The following THEMIS variants were observed in gnomAD, a reference collection of about 807,000 sequenced individuals.
THEMIS encodes thymocyte selection associated, also known as protein THEMIS.
THEMIS carries 37 observed loss-of-function variants against 52.6 expected under a neutral mutation model. The observed-to-expected ratio is 0.70, with a 90% CI of 0.54 to 0.93. The LOEUF is 0.93. Among genes scored for constraint, THEMIS ranks in the 40% least tolerant of loss-of-function variants. The probability of loss-of-function intolerance (pLI) is 0.00; values close to 1 mark genes in which losing one functional copy is unlikely to be tolerated. For synonymous variants in THEMIS, 292 were observed against 272.7 expected (o/e 1.07, Z -0.70); for missense variants, 808 against 763.1 (o/e 1.06, Z -0.69).
chr6:127,700,069 G>T, the THEMIS span, among the ~76,000 whole-genome samples: 1 of 151,674 alleles, frequency 6.6e-6, no homozygotes, highest in Non-Finnish European at 1.5e-5. Context: ...TGAAGAACTT[G>T]TATTTAATAT....
intron 3 of THEMIS, among the ~76,000 whole-genome samples, chr6:127,817,727 T>G (rs1452059529): frequency 6.6e-6 from 1 of 151,778 alleles, no homozygotes; most frequent in African/African-American, 2.4e-5. Flanking sequence ...CATAGCTCAC[T>G]GGGGGCAAAA....
intron 4 of THEMIS, among the ~76,000 whole-genome samples, chr6:127,810,698 T>C (rs1490230800): frequency 6.6e-6 from 1 of 152,150 alleles, no homozygotes; most frequent in Non-Finnish European, 1.5e-5. Flanking sequence ...CGCAAACAGA[T>C]ACCCTCCAAT....
chr6:127,792,224 A>G (rs1447705611), intron 4 of THEMIS, among the ~76,000 whole-genome samples: 1 of 152,194 alleles, frequency 6.6e-6, no homozygotes, highest in Non-Finnish European at 1.5e-5. Flanking sequence ...AACAGTAAAC[A>G]TGGTATTCAC....
intron 2 of THEMIS, among the ~76,000 whole-genome samples, chr6:127,850,322 G>A (rs1317004136): frequency 1.3e-5 from 2 of 151,914 alleles, no homozygotes; most frequent in African/African-American, 4.8e-5. Flanking sequence ...CAACCACTAT[G>A]GAAAACAGTA....
intron 4 of THEMIS, among the ~76,000 whole-genome samples, chr6:127,778,851 T>TA (rs1317334447): frequency 6.0e-5 from 9 of 149,302 alleles, no homozygotes; most frequent in African/African-American, 2.0e-4. Context: ...TTTTTTTTGC[T>TA]AAAAAAATGG....
At chr6:127,855,669 T>C (rs934783298) in intron 1 of THEMIS, among the ~76,000 whole-genome samples, 4 of 151,974 alleles carry the variant, frequency 2.6e-5, no homozygotes, top group Non-Finnish European at 5.9e-5. Context: ...GTTCTCTTCA[T>C]TAGCATGAAA....
chr6:127,720,834 G>A (rs554432541), intron 4 of THEMIS, among the ~76,000 whole-genome samples: 113 of 152,098 alleles, frequency 7.4e-4, no homozygotes, highest in African/African-American at 2.6e-3. Context: ...TGAGCCTTAC[G>A]ATATGAATCC....
chr6:127,772,549 A>C (rs1776422884), intron 4 of THEMIS, among the ~76,000 whole-genome samples: 1 of 152,076 alleles, frequency 6.6e-6, no homozygotes, highest in African/African-American at 2.4e-5. Flanking sequence ...TTCAAGTTTA[A>C]TTGCTTAAAA....
chr6:127,796,562 C>T (rs1162987383), intron 4 of THEMIS, among the ~76,000 whole-genome samples: 1 of 152,150 alleles, frequency 6.6e-6, no homozygotes, highest in Non-Finnish European at 1.5e-5. Flanking sequence ...AAAGATCCCA[C>T]ATAACTTTTT....
intron 1 of THEMIS, among the ~76,000 whole-genome samples, chr6:127,886,397 A>C (rs548168971): frequency 3.0e-4 from 46 of 152,302 alleles, no homozygotes; most frequent in Non-Finnish European, 6.0e-4. Context: ...GACTTGGAGT[A>C]CTCAACCCTC....
chr6:127,874,521 A>G (rs1255220232), intron 1 of THEMIS, among the ~76,000 whole-genome samples: 1 of 152,176 alleles, frequency 6.6e-6, no homozygotes, highest in Non-Finnish European at 1.5e-5. Context: ...TATCTTAAAT[A>G]TTTCTAGGCT....
the THEMIS span, among the ~76,000 whole-genome samples, chr6:127,696,716 G>A: frequency 1.3e-5 from 2 of 152,106 alleles, no homozygotes; most frequent in African/African-American, 4.8e-5. Flanking sequence ...TTTGTGATTT[G>A]TTTTGCTTTG....
intron 2 of THEMIS, among the ~76,000 whole-genome samples, chr6:127,840,484 G>A (rs889914207): frequency 1.1e-4 from 16 of 152,078 alleles, no homozygotes; most frequent in Non-Finnish European, 2.2e-4. Flanking sequence ...ATTAATGCTA[G>A]ATGAGTCTGG....
intron 1 of THEMIS, among the ~76,000 whole-genome samples, chr6:127,897,590 G>A (rs990046348): frequency 3.3e-5 from 5 of 151,516 alleles, no homozygotes; most frequent in African/African-American, 9.7e-5. Context: ...AAAACCATGA[G>A]CTACCACTAT....
chr6:127,810,379 A>G (rs1334642590), intron 4 of THEMIS, among the ~76,000 whole-genome samples: 1 of 152,174 alleles, frequency 6.6e-6, no homozygotes, highest in Non-Finnish European at 1.5e-5. Flanking sequence ...TATGCTGGAA[A>G]CTTAATCACC....
chr6:127,724,192 A>C (rs765799239), intron 4 of THEMIS, among the ~76,000 whole-genome samples: 5 of 152,148 alleles, frequency 3.3e-5, no homozygotes, highest in Non-Finnish European at 5.9e-5. Context: ...CATAAAAAAC[A>C]CATATTTCAA....
chr6:127,916,140 C>T (rs114073538), intron 1 of THEMIS, among the ~76,000 whole-genome samples: 4,047 of 151,076 alleles, frequency 0.027, 176 homozygotes, highest in African/African-American at 0.09. Flanking sequence ...TTTTATATTA[C>T]GAGACCTAGA....
chr6:127,911,876 G>A (rs1488959039), intron 1 of THEMIS, among the ~76,000 whole-genome samples: 1 of 151,488 alleles, frequency 6.6e-6, no homozygotes, highest in East Asian at 1.9e-4. Context: ...ATAAGAAGGG[G>A]GCCATTGTCC....
chr6:127,782,487 A>G (rs916545805), intron 4 of THEMIS, among the ~76,000 whole-genome samples: 4 of 152,170 alleles, frequency 2.6e-5, no homozygotes, highest in African/African-American at 7.2e-5. Context: ...AAAGCATAGT[A>G]TCTGGGCCGG....
Sources: allele counts gnomAD v4.1 joint callset (sites outside exome capture counted in the v4.1 genomes callset), GRCh38; gene constraint gnomAD v4.1.1; transcripts MANE v1.5; gene names NCBI Gene and HGNC (gene_info 2026-07-23, HGNC 2026-07-21).